Variants in PLD5 observed in about 807,000 individuals in gnomAD.
PLD5 encodes the protein phospholipase D family member 5.
A neutral mutation model predicts 61.1 loss-of-function variants in PLD5; 36 were observed. That is an observed-to-expected ratio of 0.59 (90% CI 0.45 to 0.78). The LOEUF is 0.78. Among genes scored for constraint, PLD5 ranks in the 30% least tolerant of loss-of-function variants. PLD5 has a pLI of 0.00. For synonymous variants in PLD5, 243 were observed against 242.8 expected (o/e 1.00, Z -0.01); for missense variants, 515 against 644.4 (o/e 0.80, Z 2.17).
At chr1:242,507,453 C>T (rs1224955679) in intron 1 of PLD5, among the ~76,000 whole-genome samples, 1 of 152,166 alleles carries the variant, frequency 6.6e-6, no homozygotes, top group Non-Finnish European at 1.5e-5. Context: ...AAAGGACCTT[C>T]CTTGTTATAA....
At chr1:242,380,332 A>G (rs969559811) in intron 1 of PLD5, among the ~76,000 whole-genome samples, 1 of 152,176 alleles carries the variant, frequency 6.6e-6, no homozygotes, top group African/African-American at 2.4e-5. Context: ...CCGCATAGCT[A>G]TTGTGTTACT....
At chr1:242,199,263 T>C (rs1308106733) in intron 5 of PLD5, among the ~76,000 whole-genome samples, 1 of 151,998 alleles carries the variant, frequency 6.6e-6, no homozygotes, top group African/African-American at 2.4e-5. Context: ...TATATATTTA[T>C]GGGGTTTTTG....
chr1:242,375,600 T>A (rs1661903937), intron 1 of PLD5, among the ~76,000 whole-genome samples: 1 of 152,028 alleles, frequency 6.6e-6, no homozygotes, highest in Non-Finnish European at 1.5e-5. Context: ...CACAAAAGAA[T>A]TCCTTTACTT....
At chr1:242,165,780 TGAG>T (rs1460064779) in intron 5 of PLD5, among the ~76,000 whole-genome samples, 1 of 152,160 alleles carries the variant, frequency 6.6e-6, no homozygotes, top group African/African-American at 2.4e-5. Flanking sequence ...CCAGAGATGA[TGAG>T]AACTCAGAAG....
rs905392997 is a variant in PLD5, at chr1:242,087,680, A to G, written c.*2174T>C. 2 of 152,374 alleles carry G rather than the reference A, an allele frequency of 1.3e-5. No individual in the cohort carries two copies. Among genetic ancestry groups the G allele is most frequent in the African/African-American group, 4.8e-5 (2 of 41,458 alleles). The allele number at this position is 152,374 out of a possible 1,614,324, so 9.4% of individuals were successfully genotyped here. A position where few individuals can be genotyped will look rare whatever the true frequency, so the allele number is the denominator to read the frequency against. On this transcript the variant is annotated 3_prime_UTR_variant, in exon 10 of 10. Transcript: ENST00000536534. ...GGCTGGTCTCAAACTCTTGGCCTCAAGCAATCCTCCTGCCTTGGCCTTCCA... is the reference window on the plus strand; with the variant it reads ...GGCTGGTCTCAAACTCTTGGCCTCAGGCAATCCTCCTGCCTTGGCCTTCCA...
chr1:242,155,185 C>T (rs929656755), intron 5 of PLD5, among the ~76,000 whole-genome samples: 10 of 151,948 alleles, frequency 6.6e-5, no homozygotes, highest in Non-Finnish European at 1.3e-4. Context: ...CTTTGAGATC[C>T]GTGGTGATAT....
chr1:242,480,646 TTAATAA>T (rs555878303), intron 1 of PLD5, among the ~76,000 whole-genome samples: 3 of 152,190 alleles, frequency 2.0e-5, no homozygotes, highest in Non-Finnish European at 4.4e-5. Flanking sequence ...TCTCTTAATA[TTAATAA>T]TAAGACCAAG....
chr1:242,462,385 A>T (rs184492967), intron 1 of PLD5, among the ~76,000 whole-genome samples: 3 of 152,260 alleles, frequency 2.0e-5, no homozygotes, highest in Admixed American at 2.0e-4. Flanking sequence ...TAACACAGGA[A>T]CAGAAAACCA....
At chr1:242,411,113 A>G (rs1362965232) in intron 1 of PLD5, among the ~76,000 whole-genome samples, 4 of 152,230 alleles carry the variant, frequency 2.6e-5, no homozygotes, top group African/African-American at 9.6e-5. Flanking sequence ...TCATAAAATT[A>G]TAGGTTCTTC....
At chr1:242,418,313 T>A (rs1422870219) in intron 1 of PLD5, among the ~76,000 whole-genome samples, 1 of 152,116 alleles carries the variant, frequency 6.6e-6, no homozygotes, top group African/African-American at 2.4e-5. Context: ...GGAGTTTTGA[T>A]CTGGTTGTGT....
rs377295838 is a variant in PLD5, at chr1:242,190,457, T to C, written c.735+29531A>G. On this transcript the variant is annotated intron_variant, in intron 5 of 9. Transcript: ENST00000536534. ...CACCGCGCCCGGCCCATTGCAGGAC[T>C]CCTTATGGACGAGGTGCTCCTCAGG... 1.1e-3 allele frequency among the ~76,000 whole-genome samples: 160 copies of C among 152,010 alleles called. 3 individuals are homozygous for C. In the South Asian group the frequency reaches 0.033, roughly 31 times the overall value.
chr1:242,376,888 G>A, intron 1 of PLD5: 1 of 1,561,380 alleles, frequency 6.4e-7, no homozygotes, highest in South Asian at 1.2e-5. Context: ...TTATTCCAAT[G>A]TGGACAGGGA....
At chr1:242,414,125 C>T (rs539878840) in intron 1 of PLD5, among the ~76,000 whole-genome samples, 2 of 152,142 alleles carry the variant, frequency 1.3e-5, no homozygotes, top group South Asian at 2.1e-4. Flanking sequence ...GAAATAGGAA[C>T]GCATGAGAAG....
intron 2 of PLD5, among the ~76,000 whole-genome samples, chr1:242,305,595 T>C (rs1470956102): frequency 6.6e-6 from 1 of 152,146 alleles, no homozygotes; most frequent in Non-Finnish European, 1.5e-5. Context: ...AGTCTTGCTC[T>C]GTCACCCAGG....
chr1:242,236,560 A>C (rs529214835), intron 4 of PLD5, among the ~76,000 whole-genome samples: 96 of 152,236 alleles, frequency 6.3e-4, no homozygotes, highest in African/African-American at 1.9e-3. Context: ...ACAAAAAAAA[A>C]CTCACAAGCA....
intron 4 of PLD5, among the ~76,000 whole-genome samples, chr1:242,249,520 AG>A (rs1049634048): frequency 6.6e-6 from 1 of 152,238 alleles, no homozygotes; most frequent in Non-Finnish European, 1.5e-5. Context: ...AAAGGGAGGG[AG>A]CAAAAAACAA....
rs558651893 is a variant in PLD5 at position 242,208,249 on chromosome 1, A to G, written c.735+11739T>C. ...ACAGGTGAGCTCACCCCGCTCACTCATCATTTAAGGTGCAGCTCAAATTCC... is the reference window on the plus strand; with the variant it reads ...ACAGGTGAGCTCACCCCGCTCACTCGTCATTTAAGGTGCAGCTCAAATTCC... On this transcript the variant is annotated intron_variant, in intron 5 of 9. Coordinates refer to ENST00000536534, the MANE Select transcript of PLD5 (RefSeq NM_001372062.1). 1.7e-4 allele frequency among the ~76,000 whole-genome samples: 26 copies of G among 151,988 alleles called. 1 individual carries two copies. The South Asian group carries it at 5.4e-3, about 32-fold the overall frequency.
At chr1:242,198,839 AT>A (rs1469608634) in intron 5 of PLD5, among the ~76,000 whole-genome samples, 1 of 151,856 alleles carries the variant, frequency 6.6e-6, no homozygotes, top group African/African-American at 2.4e-5. Flanking sequence ...GGTTCAAGCG[AT>A]TCTCCTGCCA....
intron 5 of PLD5, among the ~76,000 whole-genome samples, chr1:242,212,157 C>T (rs981063804): frequency 3.3e-5 from 5 of 152,136 alleles, no homozygotes; most frequent in Non-Finnish European, 5.9e-5. Context: ...CCTCTTCCCT[C>T]AGCCCCGATA....
Sources: allele counts gnomAD v4.1 joint callset (sites outside exome capture counted in the v4.1 genomes callset), GRCh38; gene constraint gnomAD v4.1.1; transcripts MANE v1.5; gene names NCBI Gene and HGNC (gene_info 2026-07-23, HGNC 2026-07-21).